NDC80: variants seen among roughly 807,000 people sequenced by gnomAD.
The protein encoded by NDC80 is kinetochore protein NDC80 homolog.
A neutral mutation model predicts 89.3 loss-of-function variants in NDC80; 69 were observed. That is an observed-to-expected ratio of 0.77 (90% CI 0.64 to 0.94). The LOEUF is 0.94. NDC80 is among the 40% of genes least tolerant of loss of function. The pLI is 0.00. For missense variants in NDC80, 593 were observed against 739.6 expected (o/e 0.80, Z 2.30); for synonymous variants, 243 against 255.6 (o/e 0.95, Z 0.47).
chr18:2,611,785 A>G (rs2072745716), intron 16 of NDC80, among the ~76,000 whole-genome samples: 1 of 152,078 alleles, frequency 6.6e-6, no homozygotes, highest in Non-Finnish European at 1.5e-5. Context: ...TCACTTTATC[A>G]TATTAATAGA....
At chr18:2,594,107 G>A (rs2143650527) in intron 10 of NDC80, 1 of 160,614 alleles carries the variant, frequency 6.2e-6, no homozygotes, top group South Asian at 1.7e-4. Context: ...TGGCCAGGCT[G>A]GTCTCGAACT....
At position 2,573,023 on chromosome 18, in the gene NDC80, G is replaced by A; in HGVS notation, c.38G>A (p.Arg13His). 6.2e-7 allele frequency: 1 copy of A among 1,613,962 alleles called. No individual in the cohort carries two copies. The highest frequency in any genetic ancestry group is 8.5e-7 in the Non-Finnish European group (1 of 1,179,950). Residue 13 changes from arginine to histidine, a missense_variant, in exon 2 of 17, where the codon CGC (arginine) becomes CAC (histidine). Transcript: ENST00000261597. ...RSSVSSGGAG[R>H]LSMQELRSQD... ...TCAGTTTCCAGCGGTGGTGCTGGCC[G>A]CCTCTCCATGCAGGAGTTAAGATCC...
At chr18:2,606,940 G>T (rs1160070723) in intron 14 of NDC80, among the ~76,000 whole-genome samples, 2 of 151,836 alleles carry the variant, frequency 1.3e-5, no homozygotes, top group Non-Finnish European at 1.5e-5. Context: ...GACTGTTTAC[G>T]TGCAATCTAG....
At chr18:2,612,431 G>A (rs1343477257) in intron 16 of NDC80, among the ~76,000 whole-genome samples, 1 of 151,846 alleles carries the variant, frequency 6.6e-6, no homozygotes, top group Non-Finnish European at 1.5e-5. Context: ...TGGGATTACA[G>A]GCATGTGCCA....
At chr18:2,599,286 A>T (rs957945484) in intron 12 of NDC80, 115 bp downstream of exon 12, 4 of 747,220 alleles carry the variant, frequency 5.4e-6, no homozygotes, top group Non-Finnish European at 7.8e-6. Flanking sequence ...AAACACTGAA[A>T]CTGTATCTTC....
chr18:2,607,916 G>A (rs2072720965), intron 14 of NDC80, among the ~76,000 whole-genome samples: 1 of 129,442 alleles, frequency 7.7e-6, no homozygotes, highest in Admixed American at 8.1e-5. Flanking sequence ...TCATACAAAT[G>A]TAGAGAGAGC....
In NDC80 at chr18:2,584,481, G is replaced by A. The variant is rs142681272; in HGVS notation, c.580-632G>A. Among the ~76,000 whole-genome samples the A allele has an allele frequency of 6.9e-3, 1,045 of 151,866 alleles. 17 individuals are homozygous for A. The highest frequency in any genetic ancestry group is 0.024 in the African/African-American group (989 of 41,412). Reference sequence around the variant, plus strand: ...TTTTTAAAAGAAGATATAAAAACAGGCATTCCAAAATGGAATTTCTATGCC... The same window carrying A: ...TTTTTAAAAGAAGATATAAAAACAGACATTCCAAAATGGAATTTCTATGCC... On this transcript the variant is annotated intron_variant, in intron 6 of 16. Coordinates refer to ENST00000261597, the MANE Select transcript of NDC80 (RefSeq NM_006101.3).
chr18:2,599,171 T>A lies in NDC80; in HGVS notation c.1374T>A (p.Tyr458Ter). Residue 458 changes from tyrosine (Y) to a stop codon, truncating the protein, a stop_gained and splice_region_variant, in exon 12 of 17, where the codon TAT (tyrosine) becomes TAA (stop). Coordinates refer to ENST00000261597, the MANE Select transcript of NDC80 (RefSeq NM_006101.3). LOFTEE classifies it high-confidence loss of function. ...TTGTCAAATACAGGGCTCAAGTTTA[T>A]GTAAGTAATCATGACTACTTTTAAG... ...NCLVKYRAQV[Y>*]VPLKELLNET... 1.2e-6 allele frequency: 2 copies of A among 1,601,248 alleles called. No individual in the cohort carries two copies. The highest frequency in any genetic ancestry group is 2.2e-5 in the East Asian group (1 of 44,662).
chr18:2,596,741 G>A (rs1298726693), intron 11 of NDC80, among the ~76,000 whole-genome samples: 2 of 151,986 alleles, frequency 1.3e-5, no homozygotes, highest in Non-Finnish European at 1.5e-5. Context: ...GTTTATTGCG[G>A]CACTATTCAC....
Position 2,610,857 on chromosome 18 carries a change from T to C in NDC80, c.1787T>C (p.Val596Ala), listed in dbSNP as rs1462858502. 1 of 1,528,524 alleles carries C rather than the reference T, an allele frequency of 6.5e-7. No individual in the cohort carries two copies. Among genetic ancestry groups the C allele is most frequent in the African/African-American group, 1.4e-5 (1 of 73,066 alleles). 94.7% of individuals were successfully genotyped at this position (1,528,524 alleles called of 1,614,324 possible). Residue 596 changes from valine (V) to alanine (A), a missense_variant, in exon 16 of 17, where the codon GTA becomes GCA. By Grantham distance (64) the Val-to-Ala change is moderately conservative (BLOSUM62 0). Transcript: ENST00000261597. ...LEMVATHVGS[V>A]EKHLEEQIAK... ...ATGGTTGCTACACATGTTGGGTCTG[T>C]AGAGGTAAGTATGTGATGGTCTTTC...
At chr18:2,582,495 T>G (rs2033449209) in intron 6 of NDC80, 1 of 152,226 alleles carries the variant, frequency 6.6e-6, no homozygotes, top group African/African-American at 2.4e-5. Context: ...CTAAAAGAGT[T>G]TTTTGTGTTT....
chr18:2,590,684 CCCAAATAAGGT>C (rs1034430980), intron 10 of NDC80, among the ~76,000 whole-genome samples: 3 of 152,142 alleles, frequency 2.0e-5, no homozygotes, highest in Non-Finnish European at 4.4e-5. Context: ...AGACCCTTTT[CCCAAATAAGGT>C]AATTTCACAG....
chr18:2,614,861 G>A (rs1201064627), intron 16 of NDC80: 2 of 152,486 alleles, frequency 1.3e-5, no homozygotes, highest in East Asian at 1.9e-4. Flanking sequence ...TGTTGGATTA[G>A]GGTAGCAGTT....
At chr18:2,612,624 TTTG>T (rs1370302961) in intron 16 of NDC80, among the ~76,000 whole-genome samples, 2 of 152,220 alleles carry the variant, frequency 1.3e-5, no homozygotes, top group African/African-American at 4.8e-5. Flanking sequence ...TTGTCTGTCC[TTTG>T]TTAATTCAGT....
intron 13 of NDC80, among the ~76,000 whole-genome samples, chr18:2,602,067 T>G (rs186451251): frequency 1.6e-3 from 249 of 152,278 alleles, no homozygotes; most frequent in Non-Finnish European, 2.9e-3. Flanking sequence ...TTAAGCTACT[T>G]CTCAAATGCA....
In NDC80 at chr18:2,603,402, C is replaced by CA. The variant is rs549986485; in HGVS notation, c.1464+1920dup. ...ATACACCTATGTAATATATATAAGC[C>CA]AAAGTAGGGAAAACTTTTCAAGAAG... On this transcript the variant is annotated intron_variant, in intron 13 of 16. Transcript: ENST00000261597. Among the ~76,000 whole-genome samples, 71 of 121,320 alleles carry CA rather than the reference C, an allele frequency of 5.9e-4. 2 individuals carry two copies. The East Asian group carries it at 0.012, about 20-fold the overall frequency. 79.6% of individuals were successfully genotyped at this position (121,320 alleles called of 152,430 possible). A position where few individuals can be genotyped will look rare whatever the true frequency, so the allele number is the denominator to read the frequency against.
Position 2,611,811 on chromosome 18 carries a change from A to G in NDC80, c.1791+950A>G, listed in dbSNP as rs2072745837. Among the ~76,000 whole-genome samples, 6 of 152,222 alleles carry G rather than the reference A, an allele frequency of 3.9e-5. No individual in the cohort carries two copies. The South Asian group carries it at 1.0e-3, about 26-fold the overall frequency. On this transcript the variant is annotated intron_variant, in intron 16 of 16. Transcript: ENST00000261597. ...TATTAATAGACTTCCATTTATTGAAAACATGAGCATGTGATACCCTACTAC... is the reference window on the plus strand; with the variant it reads ...TATTAATAGACTTCCATTTATTGAAGACATGAGCATGTGATACCCTACTAC...
In NDC80 at chr18:2,578,952, T is replaced by C; in HGVS notation, c.502T>C (p.Ser168Pro). 1 of 1,558,628 alleles carries C rather than the reference T, an allele frequency of 6.4e-7. No individual in the cohort carries two copies. The highest frequency in any genetic ancestry group is 8.7e-7 in the Non-Finnish European group (1 of 1,154,082). The change falls in exon 6 of 17, where the codon TCC (serine) becomes CCC (proline). Residue 168 changes from serine (S) to proline (P), a missense_variant. Coordinates refer to ENST00000261597, the MANE Select transcript of NDC80 (RefSeq NM_006101.3). The stretch of plus-strand genomic sequence containing the variant: ...GTATCCTTTTGCACTATCCAAAAGC[T>C]CCATGTACACAGTGGGGGCTCCTCA... Reference protein sequence around the residue: ...LGYPFALSKSSMYTVGAPHTW... With the variant: ...LGYPFALSKSPMYTVGAPHTW...
intron 13 of NDC80, among the ~76,000 whole-genome samples, chr18:2,604,833 G>A (rs2072701839): frequency 6.6e-6 from 1 of 152,168 alleles, no homozygotes; most frequent in Non-Finnish European, 1.5e-5. Flanking sequence ...AGAGATCAAT[G>A]AAGATTTATA....
Sources: allele counts gnomAD v4.1 joint callset (sites outside exome capture counted in the v4.1 genomes callset), GRCh38; gene constraint gnomAD v4.1.1; transcripts MANE v1.5; gene names NCBI Gene and HGNC (gene_info 2026-07-23, HGNC 2026-07-21).